The following CCNH variants were observed in gnomAD, a reference collection of about 807,000 sequenced individuals.
CCNH encodes the protein cyclin-H.
In CCNH, 31 loss-of-function variants were observed where a neutral mutation model predicts 41.9. The ratio of observed to expected loss-of-function variants is 0.74; its 90% CI spans 0.56 to 1.00. The LOEUF is 1.00. CCNH is among the 50% of genes least tolerant of loss of function. The probability of loss-of-function intolerance (pLI) is 0.00; values close to 1 mark genes in which losing one functional copy is unlikely to be tolerated. For synonymous variants in CCNH, 138 were observed against 136.1 expected (o/e 1.01, Z -0.10); for missense variants, 362 against 388.4 (o/e 0.93, Z 0.57).
chr5:87,388,112 T>C (rs1009946241), downstream of CCNH, among the ~76,000 whole-genome samples: 1 of 152,194 alleles, frequency 6.6e-6, no homozygotes, highest in East Asian at 1.9e-4. Flanking sequence ...CCCCTGTGTA[T>C]CTGTGATATA....
chr5:87,409,933 TATC>T (rs776442668), intron 2 of CCNH, among the ~76,000 whole-genome samples: 1 of 152,146 alleles, frequency 6.6e-6, no homozygotes, highest in Non-Finnish European at 1.5e-5. Context: ...AACACGAAAC[TATC>T]ATCATGTTTT....
chr5:87,376,911 T>C, exon 1 of CCNH: 1 of 1,610,084 alleles, frequency 6.2e-7, no homozygotes, highest in Non-Finnish European at 8.5e-7. Flanking sequence ...TCATGTAGTC[T>C]ATGCTTTATC....
chr5:87,339,469 G>A (rs556270159), intron 9 of CCNH, among the ~76,000 whole-genome samples: 46 of 152,258 alleles, frequency 3.0e-4, no homozygotes, highest in Admixed American at 2.6e-3. Flanking sequence ...ACAACTTTTA[G>A]TTTGGGTTTC....
intron 9 of CCNH, among the ~76,000 whole-genome samples, chr5:87,384,875 T>G (rs1182649482): frequency 2.0e-5 from 3 of 152,126 alleles, no homozygotes; most frequent in African/African-American, 7.2e-5. Context: ...GCGAATTATT[T>G]GGACTGCAAA....
the CCNH span, among the ~76,000 whole-genome samples, chr5:87,312,647 A>G: frequency 6.6e-6 from 1 of 152,322 alleles, no homozygotes; most frequent in East Asian, 1.9e-4. Flanking sequence ...AAACTAAGGG[A>G]AAGATAGTTT....
chr5:87,397,106 C>T (rs1364886186), intron 7 of CCNH, among the ~76,000 whole-genome samples: 1 of 152,020 alleles, frequency 6.6e-6, no homozygotes, highest in African/African-American at 2.4e-5. Context: ...AGAGCTGGTC[C>T]ATGAACAGTT....
At chr5:87,381,449 T>C (rs1054999938), upstream of CCNH, among the ~76,000 whole-genome samples, 8 of 152,352 alleles carry the variant, frequency 5.3e-5, no homozygotes, top group South Asian at 1.4e-3. Context: ...TAATTTGTTA[T>C]TTAGAATATA....
chr5:87,375,023 T>C (rs992059685), downstream of CCNH: 44 of 1,366,962 alleles, frequency 3.2e-5, no homozygotes, highest in Non-Finnish European at 4.2e-5. Context: ...GAAATGCAAG[T>C]AGTATAATTT....
chr5:87,317,795 T>G (rs1314460231), downstream of CCNH, among the ~76,000 whole-genome samples: 1 of 151,816 alleles, frequency 6.6e-6, no homozygotes, highest in Non-Finnish European at 1.5e-5. Flanking sequence ...ACCACCACAC[T>G]CAGCTAATTT....
At chr5:87,395,584 T>C (rs1041892645) in intron 7 of CCNH, among the ~76,000 whole-genome samples, 4 of 152,138 alleles carry the variant, frequency 2.6e-5, no homozygotes, top group Non-Finnish European at 4.4e-5. Context: ...AAAAATGAGC[T>C]GGGACCTGCT....
At chr5:87,375,513 G>A (rs1380742351), downstream of CCNH, among the ~76,000 whole-genome samples, 2 of 152,020 alleles carry the variant, frequency 1.3e-5, no homozygotes, top group South Asian at 2.1e-4. Context: ...TGCCGGCCTC[G>A]GCCTCCCAAA....
At chr5:87,350,241 G>A (rs1381013997) in intron 9 of CCNH, among the ~76,000 whole-genome samples, 2 of 151,966 alleles carry the variant, frequency 1.3e-5, no homozygotes, top group East Asian at 1.9e-4. Context: ...AATGTAAGAT[G>A]TGAGTCTAGG....
downstream of CCNH, chr5:87,374,804 A>G (rs756802818): frequency 6.2e-7 from 1 of 1,605,964 alleles, no homozygotes; most frequent in South Asian, 1.1e-5. Flanking sequence ...TGATGCCAAA[A>G]CATTTTGTTA....
the CCNH span, among the ~76,000 whole-genome samples, chr5:87,312,706 A>G: frequency 1.3e-5 from 2 of 152,190 alleles, no homozygotes; most frequent in Non-Finnish European, 2.9e-5. Flanking sequence ...GAATGCTACC[A>G]TGAATCTTCA....
chr5:87,386,943 A>T, downstream of CCNH: 1 of 1,501,700 alleles, frequency 6.7e-7, no homozygotes, highest in Non-Finnish European at 9.3e-7. Flanking sequence ...TAAGACTTCT[A>T]GTTGATATAG....
In CCNH at chr5:87,412,756, G is replaced by A. The variant is rs1764366844; in HGVS notation, c.39C>T (p.Phe13=). The change falls in exon 1 of 9, where the codon TTC becomes TTT. Residue 13 remains phenylalanine, a synonymous_variant. Coordinates refer to ENST00000256897, the MANE Select transcript of CCNH (RefSeq NM_001239.4). ...HNSSQKRHWT[F]SSEEQLARLR... ...GTCTTGCCAGCTGCTCCTCGCTGGA[G>A]AAGGTCCAGTGCCGCTTCTGACTAC... 1.9e-6 allele frequency: 3 copies of A among 1,614,128 alleles called. No homozygotes were observed. Among genetic ancestry groups the A allele is most frequent in the African/African-American group, 1.3e-5 (1 of 74,958 alleles).
chr5:87,367,827 G>A (rs1467157109), intron 9 of CCNH, among the ~76,000 whole-genome samples: 5 of 151,884 alleles, frequency 3.3e-5, no homozygotes, highest in Admixed American at 6.6e-5. Context: ...CAACATTTTC[G>A]TTGTCATTCA....
At chr5:87,338,036 C>T in intron 9 of CCNH, 1 of 1,612,004 alleles carries the variant, frequency 6.2e-7, no homozygotes, top group East Asian at 2.2e-5. Flanking sequence ...ATGTGGGTTA[C>T]AAATTTAAGA....
chr5:87,331,317 T>A, intron 9 of CCNH: 1 of 1,567,238 alleles, frequency 6.4e-7, no homozygotes, highest in South Asian at 1.1e-5. Context: ...TTGCTATTTA[T>A]ATTGTAATAT....
Sources: gnomAD v4.1 joint callset for allele counts (sites outside exome capture counted in the v4.1 genomes callset) on GRCh38, gnomAD v4.1.1 for gene constraint, MANE v1.5 for transcripts, NCBI Gene and HGNC (gene_info 2026-07-23, HGNC 2026-07-21) for gene names.